Variants in CCAR2 observed in about 807,000 individuals in gnomAD.
The protein encoded by CCAR2 is cell cycle and apoptosis regulator 2, also known as cell cycle and apoptosis regulator protein 2.
Under a neutral mutation model 108.1 loss-of-function variants are expected in CCAR2, and 21 were observed. The observed-to-expected ratio is 0.19, with a 90% CI of 0.14 to 0.28. The LOEUF (loss-of-function observed/expected upper bound fraction) is 0.28. CCAR2 is among the 10% of genes least tolerant of loss of function. The pLI, the probability that CCAR2 is intolerant of heterozygous loss-of-function variation, is 1.00. For missense variants in CCAR2, 1,126 were observed against 1,177.0 expected (o/e 0.96, Z 0.63); for synonymous variants, 577 against 472.8 (o/e 1.22, Z -2.86).
intron 10 of CCAR2, 152 bp downstream of exon 10, chr8:22,614,655 G>A (rs1273036726): frequency 9.7e-7 from 1 of 1,035,226 alleles, no homozygotes; most frequent in South Asian, 1.4e-5. Context: ...GTGCAGCTCA[G>A]AGCTGTTACG....
chr8:22,618,251 T>A, intron 16 of CCAR2, 98 bp from the exon 17 acceptor site: 1 of 1,521,836 alleles, frequency 6.6e-7, no homozygotes, highest in Non-Finnish European at 9.0e-7. Context: ...TCACTGCATG[T>A]GGCCCAAGCC....
chr8:22,614,742 C>CTGCGGCCTTCATCCTGATGGGT, intron 10 of CCAR2, 96 bp from the exon 11 acceptor site: 2 of 1,497,518 alleles, frequency 1.3e-6, no homozygotes, highest in Non-Finnish European at 1.8e-6. Flanking sequence ...TCCCCACTTC[C>CTGCGGCCTTCATCCTGATGGGT]GGCTGCCTTC....
At chr8:22,607,872 T>G in intron 6 of CCAR2, 97 bp from the exon 7 acceptor site, 2 of 931,438 alleles carry the variant, frequency 2.1e-6, no homozygotes, top group Non-Finnish European at 3.5e-6. Flanking sequence ...GTGATCCATC[T>G]GCACTGTCCT....
At position 22,615,574 on chromosome 8, in the gene CCAR2, C is replaced by T. The variant is rs751819026; in HGVS notation, c.1355C>T (p.Pro452Leu). 1.9e-6 allele frequency: 3 copies of T among 1,613,802 alleles called. No homozygotes were observed. The highest frequency in any genetic ancestry group is 3.3e-4 in the Middle Eastern group (2 of 6,084). Residue 452 changes from proline to leucine, a missense_variant, in exon 12 of 21, where the codon CCC becomes CTC. Pro to Leu is a moderately conservative substitution (Grantham distance 98). This residue lies in a region of CCAR2 where 1,013 missense variants were observed against 993.9 expected (regional missense o/e 1.02). Transcript: ENST00000308511. ...CAGCAGAAAGCTGCAGAGGCAGCTCCCCCAACCCAGGAGGCACAAGGGGTA... is the reference window on the plus strand; with the variant it reads ...CAGCAGAAAGCTGCAGAGGCAGCTCTCCCAACCCAGGAGGCACAAGGGGTA... ...LCQQKAAEAA[P>L]PTQEAQGETE...
Position 22,618,977 on chromosome 8 carries a change from A to G in CCAR2, c.2483A>G (p.Tyr828Cys). The G allele has an allele frequency of 6.2e-7, 1 of 1,613,256 alleles. No homozygotes were observed. Among genetic ancestry groups the G allele is most frequent in the East Asian group, 2.2e-5 (1 of 44,830 alleles). ...GAGCAGCAGGACAGCGGCCGGCTCT[A>G]CCTAGAGAACAAGATCCACACACTG... Reference protein sequence around the residue: ...RAEQQDSGRLYLENKIHTLEL... With the variant: ...RAEQQDSGRLCLENKIHTLEL... The change falls in exon 19 of 21, where the codon TAC (tyrosine) becomes TGC (cysteine). Residue 828 changes from tyrosine to cysteine, a missense_variant. Tyr to Cys is a radical substitution (Grantham distance 194). This residue lies in a region of CCAR2 where 1,013 missense variants were observed against 993.9 expected (regional missense o/e 1.02). Coordinates refer to ENST00000308511, the MANE Select transcript of CCAR2 (RefSeq NM_001393997.1).
intron 7 of CCAR2, among the ~76,000 whole-genome samples, chr8:22,611,120 G>A (rs1801257667): frequency 3.3e-5 from 5 of 151,918 alleles, no homozygotes. Context: ...TAGCACTTTG[G>A]GAGGCTGAGG....
In CCAR2 at chr8:22,615,523, C is replaced by G. The variant is rs1262856540; in HGVS notation, c.1304C>G (p.Thr435Ser). ...CCGGATGTCTGGACCATCATGCCTA[C>G]TTTGGAGGAGTGGGAGGCCCTGTGC... Reference protein sequence around the residue: ...YLPDVWTIMPTLEEWEALCQQ... With the variant: ...YLPDVWTIMPSLEEWEALCQQ... Residue 435 changes from threonine to serine, a missense_variant, in exon 12 of 21, where the codon ACT (threonine) becomes AGT (serine). Transcript: ENST00000308511. 6.2e-7 allele frequency: 1 copy of G among 1,614,032 alleles called. No individual in the cohort carries two copies. Among genetic ancestry groups the G allele is most frequent in the South Asian group, 1.1e-5 (1 of 91,088 alleles).
At position 22,618,696 on chromosome 8, in the gene CCAR2, T is replaced by C; in HGVS notation, c.2300T>C (p.Leu767Pro). 1 of 1,614,066 alleles carries C rather than the reference T, an allele frequency of 6.2e-7. No homozygotes were observed. The highest frequency in any genetic ancestry group is 8.5e-7 in the Non-Finnish European group (1 of 1,180,016). ...CTTCAGTACAGCCGCCAGGAGGGCC[T>C]GGATGGTGGCCTTCCCGAGGAGGTG... Reference protein sequence around the residue: ...RSLQYSRQEGLDGGLPEEVLF... With the variant: ...RSLQYSRQEGPDGGLPEEVLF... Residue 767 changes from leucine to proline, a missense_variant, in exon 18 of 21, where the codon CTG (leucine) becomes CCG (proline). Around this residue, in one of 4 missense-constraint regions of CCAR2, gnomAD observed 1,013 missense variants for 993.9 expected, o/e 1.02. Transcript: ENST00000308511.
In CCAR2 at chr8:22,616,848, T is replaced by TA. The variant is rs1402686272; in HGVS notation, c.1846-572_1846-571insA. Among the ~76,000 whole-genome samples, 10 of 147,546 alleles carry TA rather than the reference T, an allele frequency of 6.8e-5. No individual in the cohort carries two copies. The East Asian group carries it at 2.0e-3, about 30-fold the overall frequency. On this transcript the variant is annotated intron_variant, in intron 14 of 20. Transcript: ENST00000308511. ...AGAAAAAAAAAGATTTGTAAACCTTTTCTAAAATACTAGTCTGCTTTTTTT... is the reference window on the plus strand; with the variant it reads ...AGAAAAAAAAAGATTTGTAAACCTTTATCTAAAATACTAGTCTGCTTTTTTT...
chr8:22,612,694 A>C (rs1349705298), intron 7 of CCAR2: 3 of 194,416 alleles, frequency 1.5e-5, no homozygotes, highest in African/African-American at 7.0e-5. Context: ...AAAAATAGAA[A>C]ATTATTCGTA....
intron 16 of CCAR2, chr8:22,618,079 C>T: frequency 1.7e-6 from 1 of 593,118 alleles, no homozygotes. Flanking sequence ...AGGCAAGGTG[C>T]TTGATGTTTT....
intron 14 of CCAR2, among the ~76,000 whole-genome samples, chr8:22,616,844 C>G (rs543273671): frequency 7.4e-6 from 1 of 134,356 alleles, no homozygotes; most frequent in African/African-American, 2.7e-5. Flanking sequence ...GATTTGTAAA[C>G]CTTTTCTAAA....
intron 6 of CCAR2, 142 bp downstream of exon 6, chr8:22,607,467 G>GTTT (rs34256757): frequency 2.7e-3 from 1,089 of 403,034 alleles, no homozygotes; most frequent in South Asian, 6.1e-3. Context: ...GGTGTTTAGG[G>GTTT]TTTTTTTTTT....
downstream of CCAR2, chr8:22,621,283 A>T: frequency 8.7e-7 from 1 of 1,149,042 alleles, no homozygotes; most frequent in Non-Finnish European, 1.2e-6. Context: ...GCTCAGGAAG[A>T]GTCATTCATT....
Position 22,607,102 on chromosome 8 carries a change from C to T in CCAR2, c.357+78C>T, listed in dbSNP as rs1586946304. 4 of 1,608,704 alleles carry T rather than the reference C, an allele frequency of 2.5e-6. No individual in the cohort carries two copies. In the East Asian group the frequency reaches 8.9e-5, roughly 36 times the overall value. Reference sequence around the variant, plus strand: ...TGTGCCCTGACAGCTGGGCAAAACCCTGACTTTTGTCAGGGGGGTGGGACT... The same window carrying T: ...TGTGCCCTGACAGCTGGGCAAAACCTTGACTTTTGTCAGGGGGGTGGGACT... On this transcript the variant is annotated intron_variant, in intron 5 of 20. Transcript: ENST00000308511.
rs60062081 is a variant in CCAR2 at position 22,620,417 on chromosome 8, GTTT to G, written c.*751_*753del. ...GTTTGACTTTGTATATAAAGTTGGG[GTTT>G]TTTTTTTTTTTTTTTGGCTTGTTTT... On this transcript the variant is annotated 3_prime_UTR_variant, in exon 21 of 21. Transcript: ENST00000308511. The G allele has an allele frequency of 0.075, 9,335 of 124,134 alleles. 403 individuals carry two copies. The highest frequency in any genetic ancestry group is 0.16 in the African/African-American group (5,573 of 33,936). 7.7% of individuals were successfully genotyped at this position (124,134 alleles called of 1,614,324 possible).
At chr8:22,605,994 G>A (rs1000178075) in intron 2 of CCAR2, 91 bp from the exon 3 acceptor site, 2 of 1,332,228 alleles carry the variant, frequency 1.5e-6, no homozygotes, top group African/African-American at 1.4e-5. Flanking sequence ...GCTGGCTGGA[G>A]CTGTAGCCTT....
chr8:22,608,903 T>C (rs1801180187), intron 7 of CCAR2, among the ~76,000 whole-genome samples: 1 of 152,244 alleles, frequency 6.6e-6, no homozygotes. Flanking sequence ...TACCATTCTT[T>C]TTCATCTCTA....
chr8:22,605,821 C>G lies in CCAR2; in HGVS notation c.48C>G (p.Arg16=). ...RQRINPLPGG[R]NFSGTASTSL... ...GGATCAACCCGCTTCCAGGGGGACGCAACTTCTCAGGTGATCACTGTTCTC... is the reference window on the plus strand; with the variant it reads ...GGATCAACCCGCTTCCAGGGGGACGGAACTTCTCAGGTGATCACTGTTCTC... Residue 16 remains arginine (R), a synonymous_variant, in exon 2 of 21, where the codon CGC becomes CGG. Transcript: ENST00000308511. 6.2e-7 allele frequency: 1 copy of G among 1,614,002 alleles called. No homozygotes were observed. The highest frequency in any genetic ancestry group is 8.5e-7 in the Non-Finnish European group (1 of 1,179,942).
Sources: allele counts gnomAD v4.1 joint callset (sites outside exome capture counted in the v4.1 genomes callset), GRCh38; gene constraint gnomAD v4.1.1; regional missense constraint gnomAD v4.1.1; transcripts MANE v1.5; gene names NCBI Gene and HGNC (gene_info 2026-07-23, HGNC 2026-07-21).